Variants in PTPRD observed in about 807,000 individuals in gnomAD.
The protein encoded by PTPRD is receptor-type tyrosine-protein phosphatase delta.
A neutral mutation model predicts 214.5 loss-of-function variants in PTPRD; 34 were observed. The observed-to-expected ratio is 0.16, with a 90% CI of 0.12 to 0.21. The LOEUF (loss-of-function observed/expected upper bound fraction) is 0.21. Among genes scored for constraint, PTPRD ranks in the 10% least tolerant of loss-of-function variants. The pLI, the probability that PTPRD is intolerant of heterozygous loss-of-function variation, is 1.00. For synonymous variants in PTPRD, 1,128 were observed against 845.7 expected, an observed-to-expected ratio of 1.33 and a Z score of -5.79; for missense variants, 2,545 against 2,398.7, an observed-to-expected ratio of 1.06 and a Z score of -1.27.
chr9:9,850,565 CAA>C (rs1411565251), intron 5 of PTPRD, among the ~76,000 whole-genome samples: 1 of 151,598 alleles, frequency 6.6e-6, no homozygotes, highest in Non-Finnish European at 1.5e-5. Context: ...TTTAAATAGA[CAA>C]ATTAAAATTG....
chr9:10,464,849 C>T (rs1381960351), intron 2 of PTPRD, among the ~76,000 whole-genome samples: 1 of 151,930 alleles, frequency 6.6e-6, no homozygotes, highest in Non-Finnish European at 1.5e-5. Context: ...AATTTGACAT[C>T]CCTCCCAATA....
chr9:10,395,960 A>G (rs1480666919), intron 2 of PTPRD, among the ~76,000 whole-genome samples: 1 of 151,422 alleles, frequency 6.6e-6, no homozygotes. Context: ...AGAATGAGAG[A>G]GAGAGAGAGA....
At chr9:8,671,844 C>A (rs547265710) in intron 12 of PTPRD, among the ~76,000 whole-genome samples, 1 of 152,188 alleles carries the variant, frequency 6.6e-6, no homozygotes, top group African/African-American at 2.4e-5. Context: ...TATTTTTATA[C>A]TTTGCACTAT....
intron 10 of PTPRD, among the ~76,000 whole-genome samples, chr9:9,024,701 G>A (rs1448224128): frequency 6.6e-6 from 1 of 151,226 alleles, no homozygotes. Flanking sequence ...TTTTTCATTT[G>A]TGTTTATTAG....
At chr9:8,805,046 G>A (rs571136605) in intron 11 of PTPRD, among the ~76,000 whole-genome samples, 68 of 152,278 alleles carry the variant, frequency 4.5e-4, no homozygotes, top group African/African-American at 1.6e-3. Context: ...AAATTCCCAT[G>A]GAACTTCATT....
intron 11 of PTPRD, among the ~76,000 whole-genome samples, chr9:8,826,494 G>C (rs557763537): frequency 6.6e-6 from 1 of 151,902 alleles, no homozygotes; most frequent in African/African-American, 2.4e-5. Flanking sequence ...CCTCCCTTCC[G>C]TTCACCACAC....
intron 2 of PTPRD, among the ~76,000 whole-genome samples, chr9:10,564,830 A>G (rs985007068): frequency 2.0e-5 from 3 of 152,172 alleles, no homozygotes; most frequent in Non-Finnish European, 2.9e-5. Context: ...GAATACTTAC[A>G]CAGCATTCTT....
At chr9:9,861,042 T>C (rs1202680444) in intron 5 of PTPRD, among the ~76,000 whole-genome samples, 2 of 152,186 alleles carry the variant, frequency 1.3e-5, no homozygotes, top group Non-Finnish European at 2.9e-5. Flanking sequence ...GCAATTATTT[T>C]TTAAAAAAGA....
chr9:9,193,707 T>C (rs947667680), intron 9 of PTPRD, among the ~76,000 whole-genome samples: 15 of 152,140 alleles, frequency 9.9e-5, no homozygotes, highest in Non-Finnish European at 2.2e-4. Context: ...ATGGTACACC[T>C]GTGTAGGGCA....
chr9:10,060,827 T>TCTTTCTTTCTTTCTTTCTTTCTTCCTTC (rs1217470478), intron 3 of PTPRD, among the ~76,000 whole-genome samples: 3 of 119,752 alleles, frequency 2.5e-5, no homozygotes, highest in Admixed American at 7.7e-5. Context: ...TTTCTTTCTT[T>TCTTTCTTTCTTTCTTTCTTTCTTCCTTC]CTTCCTTCCT....
chr9:9,779,093 A>C (rs2098822862), intron 5 of PTPRD, among the ~76,000 whole-genome samples: 1 of 147,776 alleles, frequency 6.8e-6, no homozygotes, highest in Non-Finnish European at 1.5e-5. Context: ...AAAAAAAAAA[A>C]AAAAAAAAAA....
chr9:9,804,793 T>C (rs928875101), intron 5 of PTPRD, among the ~76,000 whole-genome samples: 1 of 151,556 alleles, frequency 6.6e-6, no homozygotes, highest in Admixed American at 6.6e-5. Flanking sequence ...TTGATTATAA[T>C]CAGATGATTC....
chr9:10,311,289 C>G (rs774813670), intron 3 of PTPRD, among the ~76,000 whole-genome samples: 2 of 151,790 alleles, frequency 1.3e-5, no homozygotes, highest in Non-Finnish European at 2.9e-5. Context: ...TTAAAGTTAA[C>G]CTTTATACTG....
At chr9:9,412,074 A>C (rs1350337133) in intron 8 of PTPRD, among the ~76,000 whole-genome samples, 1 of 152,188 alleles carries the variant, frequency 6.6e-6, no homozygotes, top group Non-Finnish European at 1.5e-5. Context: ...GAGTAGAAAA[A>C]AGCGATTATA....
At chr9:9,707,107 T>C (rs1338812722) in intron 7 of PTPRD, among the ~76,000 whole-genome samples, 2 of 152,210 alleles carry the variant, frequency 1.3e-5, no homozygotes, top group Non-Finnish European at 2.9e-5. Context: ...CAATGGCATA[T>C]GTACGTCTGA....
At chr9:8,968,315 T>G (rs2099212820) in intron 11 of PTPRD, among the ~76,000 whole-genome samples, 1 of 152,086 alleles carries the variant, frequency 6.6e-6, no homozygotes, top group Non-Finnish European at 1.5e-5. Context: ...TTCTAGGTCC[T>G]TAAGGAATTG....
chr9:9,527,847 C>T (rs1279114219), intron 8 of PTPRD, among the ~76,000 whole-genome samples: 1 of 152,142 alleles, frequency 6.6e-6, no homozygotes. Context: ...ACTCCGTAAA[C>T]TCAGCATGTT....
intron 7 of PTPRD, among the ~76,000 whole-genome samples, chr9:9,605,450 C>T (rs1282095263): frequency 6.6e-6 from 1 of 151,948 alleles, no homozygotes. Context: ...CGTATATTGT[C>T]ACTATATCTT....
chr9:8,778,616 C>A (rs2095575208), intron 11 of PTPRD, among the ~76,000 whole-genome samples: 1 of 152,148 alleles, frequency 6.6e-6, no homozygotes, highest in African/African-American at 2.4e-5. Flanking sequence ...TTGAGGAAAG[C>A]ACCTTCTACT....
Sources: allele counts gnomAD v4.1 joint callset (sites outside exome capture counted in the v4.1 genomes callset), GRCh38; gene constraint gnomAD v4.1.1; transcripts MANE v1.5; gene names NCBI Gene and HGNC (gene_info 2026-07-23, HGNC 2026-07-21).